EDN1: variants seen among roughly 807,000 people sequenced by gnomAD.
EDN1 encodes endothelin 1.
EDN1 carries 11 observed loss-of-function variants against 21.7 expected under a neutral mutation model. The observed-to-expected ratio is 0.51, with a 90% CI of 0.32 to 0.84. The LOEUF (loss-of-function observed/expected upper bound fraction) is 0.84, where lower values mean the gene tolerates loss of function less well. Among genes scored for constraint, EDN1 ranks in the 40% least tolerant of loss-of-function variants. The probability of loss-of-function intolerance (pLI) is 0.03; values close to 1 mark genes in which losing one functional copy is unlikely to be tolerated. For synonymous variants in EDN1, 85 were observed against 90.6 expected (o/e 0.94, Z 0.35); for missense variants, 244 against 262.3 (o/e 0.93, Z 0.48).
At chr6:12,264,375 T>G in the EDN1 span, among the ~76,000 whole-genome samples, 1 of 152,234 alleles carries the variant, frequency 6.6e-6, no homozygotes, top group African/African-American at 2.4e-5. Flanking sequence ...AAAGTGGGTT[T>G]CAGATAATGG....
chr6:12,236,491 C>T, the EDN1 span, among the ~76,000 whole-genome samples: 1 of 152,116 alleles, frequency 6.6e-6, no homozygotes, highest in Non-Finnish European at 1.5e-5. Flanking sequence ...AACTCCTGAC[C>T]TCAGGTGATC....
At chr6:12,278,990 C>T in the EDN1 span, among the ~76,000 whole-genome samples, 1 of 152,118 alleles carries the variant, frequency 6.6e-6, no homozygotes, top group African/African-American at 2.4e-5. Flanking sequence ...AGAATACTAC[C>T]TTCTTTCCTG....
the EDN1 span, among the ~76,000 whole-genome samples, chr6:12,241,090 A>G: frequency 2.6e-5 from 4 of 151,754 alleles, no homozygotes; most frequent in African/African-American, 9.7e-5. Context: ...GCTGAACCCA[A>G]TCCTTACTGC....
the EDN1 span, among the ~76,000 whole-genome samples, chr6:12,269,379 C>T: frequency 6.7e-6 from 1 of 150,226 alleles, no homozygotes; most frequent in East Asian, 2.0e-4. Flanking sequence ...ATGAAAGTGC[C>T]GAAAGTGGGC....
chr6:12,259,777 C>A, the EDN1 span, among the ~76,000 whole-genome samples: 1 of 151,846 alleles, frequency 6.6e-6, no homozygotes, highest in African/African-American at 2.4e-5. Context: ...TTGTAAATAC[C>A]TTAAGGATAA....
At chr6:12,288,222 T>G (rs1335036485), upstream of EDN1, among the ~76,000 whole-genome samples, 3 of 148,954 alleles carry the variant, frequency 2.0e-5, no homozygotes, top group African/African-American at 5.0e-5. Context: ...CAGTGTTTGG[T>G]CAAAGTTGCC....
At chr6:12,251,459 A>G in the EDN1 span, among the ~76,000 whole-genome samples, 1 of 152,206 alleles carries the variant, frequency 6.6e-6, no homozygotes, top group Admixed American at 6.5e-5. Context: ...TTCCAAGAAG[A>G]CATTACAAGT....
intron 2 of EDN1, 36 bp downstream of exon 2, chr6:12,292,545 CA>C: frequency 6.2e-7 from 1 of 1,613,008 alleles, no homozygotes. Flanking sequence ...CCTAGTCATT[CA>C]TTAGCGCTGG....
chr6:12,293,431 G>A (rs1425906859), intron 2 of EDN1, among the ~76,000 whole-genome samples: 1 of 152,202 alleles, frequency 6.6e-6, no homozygotes, highest in African/African-American at 2.4e-5. Flanking sequence ...GTGTGAACAT[G>A]TGCCTCCTCC....
intron 2 of EDN1, among the ~76,000 whole-genome samples, 191 bp from the exon 3 acceptor site, chr6:12,293,750 C>G (rs10478720): frequency 2.6e-5 from 4 of 152,148 alleles, no homozygotes; most frequent in African/African-American, 9.7e-5. Flanking sequence ...TTTCTCCTGC[C>G]TGGATACATA....
rs1367724402 is a variant in EDN1 at position 12,296,034 on chromosome 6, G to A, written c.606G>A (p.Glu202=). The A allele has an allele frequency of 6.2e-7, 1 of 1,613,964 alleles. No homozygotes were observed. The highest frequency in any genetic ancestry group is 1.3e-5 in the African/African-American group (1 of 74,910). Reference sequence around the variant, plus strand: ...AGCTGAAAGGCAAGCCCTCCAGAGAGCGTTATGTGACCCACAACCGAGCAC... The same window carrying A: ...AGCTGAAAGGCAAGCCCTCCAGAGAACGTTATGTGACCCACAACCGAGCAC... The part of the protein sequence containing the change: ...DPKLKGKPSR[E]RYVTHNRAHW Residue 202 remains glutamate, a synonymous_variant, in exon 5 of 5, where the codon GAG becomes GAA. Coordinates refer to ENST00000379375, the MANE Select transcript of EDN1 (RefSeq NM_001955.5).
the EDN1 span, among the ~76,000 whole-genome samples, chr6:12,277,974 A>G: frequency 5.9e-5 from 9 of 152,226 alleles, no homozygotes; most frequent in African/African-American, 2.2e-4. Flanking sequence ...ATCTGGATTG[A>G]TGAAGAATGC....
chr6:12,295,786 T>G (rs1210312117), intron 4 of EDN1, among the ~76,000 whole-genome samples, 176 bp from the exon 5 acceptor site: 2 of 152,198 alleles, frequency 1.3e-5, no homozygotes, highest in African/African-American at 2.4e-5. Context: ...GCAGGCTTTA[T>G]TTTTACAATG....
At chr6:12,294,811 A>G (rs1762780384) in intron 4 of EDN1, among the ~76,000 whole-genome samples, 1 of 152,114 alleles carries the variant, frequency 6.6e-6, no homozygotes. Context: ...AGTGTCATGG[A>G]TAATCAAATT....
chr6:12,283,817 A>T, the EDN1 span, among the ~76,000 whole-genome samples: 3 of 152,200 alleles, frequency 2.0e-5, no homozygotes, highest in African/African-American at 7.2e-5. Flanking sequence ...TAACCAAAAC[A>T]TCCTGTTAAA....
upstream of EDN1, among the ~76,000 whole-genome samples, chr6:12,286,039 T>G (rs567383089): frequency 6.6e-6 from 1 of 152,320 alleles, no homozygotes; most frequent in Non-Finnish European, 1.5e-5. Context: ...ATATAAAATT[T>G]TCTTAAAATT....
upstream of EDN1, among the ~76,000 whole-genome samples, chr6:12,287,706 TCTCTCTCACACACA>T (rs1478410895): frequency 2.6e-5 from 2 of 76,088 alleles, no homozygotes; most frequent in African/African-American, 4.0e-5. Flanking sequence ...TCTCTCTCTC[TCTCTCTCACACACA>T]CACACACACA....
At chr6:12,267,066 G>T in the EDN1 span, among the ~76,000 whole-genome samples, 2 of 152,152 alleles carry the variant, frequency 1.3e-5, no homozygotes, top group Non-Finnish European at 2.9e-5. Flanking sequence ...GTACATGCAG[G>T]TATACCTCAT....
the EDN1 span, among the ~76,000 whole-genome samples, chr6:12,246,574 G>C: frequency 1.3e-5 from 2 of 152,070 alleles, no homozygotes; most frequent in African/African-American, 2.4e-5. Flanking sequence ...TAAATGTCAA[G>C]GCTGTGTATT....
Sources: gnomAD v4.1 joint callset for allele counts (sites outside exome capture counted in the v4.1 genomes callset) on GRCh38, gnomAD v4.1.1 for gene constraint, MANE v1.5 for transcripts, NCBI Gene and HGNC (gene_info 2026-07-23, HGNC 2026-07-21) for gene names.